Variants in KCNK2 observed in about 807,000 individuals in gnomAD.
The protein encoded by KCNK2 is potassium two pore domain channel subfamily K member 2.
In KCNK2, 21 loss-of-function variants were observed where a neutral mutation model predicts 40.5. The ratio of observed to expected loss-of-function variants is 0.52; its 90% confidence interval spans 0.37 to 0.75. KCNK2 has a LOEUF of 0.75. Ranked by LOEUF, KCNK2 falls within the 30% of genes least tolerant of loss-of-function variation. The probability of loss-of-function intolerance (pLI) is 0.00; values close to 1 mark genes in which losing one functional copy is unlikely to be tolerated. For synonymous variants in KCNK2, 191 were observed against 202.2 expected, an observed-to-expected ratio of 0.94 and a Z score of 0.47; for missense variants, 399 against 531.6, an observed-to-expected ratio of 0.75 and a Z score of 2.45.
intron 1 of KCNK2, among the ~76,000 whole-genome samples, chr1:215,024,952 T>C (rs1034630977): frequency 4.6e-5 from 3 of 65,860 alleles, no homozygotes; most frequent in African/African-American, 9.8e-5. Context: ...GGAGTTTTTT[T>C]TTTTTTTTTT....
intron 2 of KCNK2, among the ~76,000 whole-genome samples, chr1:215,102,899 A>G (rs1571910603): frequency 6.6e-6 from 1 of 152,030 alleles, no homozygotes; most frequent in African/African-American, 2.4e-5. Context: ...AAGTTCACAC[A>G]AGGATGAAAT....
intron 1 of KCNK2, among the ~76,000 whole-genome samples, chr1:215,025,771 T>G (rs938479419): frequency 1.3e-5 from 2 of 152,084 alleles, no homozygotes; most frequent in Non-Finnish European, 2.9e-5. Flanking sequence ...TTTATTCCTT[T>G]GTGTACATAT....
chr1:215,051,347 T>C (rs1326852563), intron 1 of KCNK2, among the ~76,000 whole-genome samples: 1 of 152,142 alleles, frequency 6.6e-6, no homozygotes, highest in Non-Finnish European at 1.5e-5. Flanking sequence ...AAGGAAAATA[T>C]TTGAGGGTTT....
At chr1:215,010,148 G>A (rs907405946) in intron 1 of KCNK2, among the ~76,000 whole-genome samples, 1 of 152,098 alleles carries the variant, frequency 6.6e-6, no homozygotes, top group African/African-American at 2.4e-5. Context: ...GTCTTCCTTG[G>A]TATGAATAAG....
At chr1:215,218,581 A>G (rs889822574) in intron 6 of KCNK2, among the ~76,000 whole-genome samples, 2 of 152,116 alleles carry the variant, frequency 1.3e-5, no homozygotes, top group African/African-American at 2.4e-5. Context: ...CAAAGCATGT[A>G]AATGCTCTCC....
At chr1:215,128,580 G>T (rs2102586164) in intron 3 of KCNK2, among the ~76,000 whole-genome samples, 1 of 151,378 alleles carries the variant, frequency 6.6e-6, no homozygotes, top group African/African-American at 2.5e-5. Flanking sequence ...TTGAGAAAAA[G>T]GGAAGAATAC....
chr1:215,172,028 T>TCATCTCAA lies in KCNK2; in HGVS notation c.671_678dup (p.Ile227SerfsTer25). ...AATGTTAGTCAGACCAAGATTCGCA[T>TCATCTCAA]CATCTCAACAATCATATTTATACTA... On this transcript the variant is annotated frameshift_variant, in exon 5 of 7. Coordinates refer to ENST00000444842, the MANE Select transcript of KCNK2 (RefSeq NM_001017425.3). LOFTEE classifies it high-confidence loss of function. 1 of 1,613,184 alleles carries TCATCTCAA rather than the reference T, an allele frequency of 6.2e-7. No individual in the cohort carries two copies. The highest frequency in any genetic ancestry group is 8.5e-7 in the Non-Finnish European group (1 of 1,179,558).
At chr1:215,091,894 C>G (rs1363120905) in intron 2 of KCNK2, among the ~76,000 whole-genome samples, 2 of 152,114 alleles carry the variant, frequency 1.3e-5, no homozygotes, top group South Asian at 4.2e-4. Flanking sequence ...AGAAGAACTA[C>G]AAGGATGCTG....
intron 1 of KCNK2, among the ~76,000 whole-genome samples, chr1:215,036,174 T>C (rs956484121): frequency 6.6e-6 from 1 of 151,848 alleles, no homozygotes; most frequent in Non-Finnish European, 1.5e-5. Flanking sequence ...TAGCTTTTAC[T>C]TTGAGGTCTG....
At chr1:215,208,937 C>T (rs1571730246) in intron 6 of KCNK2, among the ~76,000 whole-genome samples, 1 of 151,832 alleles carries the variant, frequency 6.6e-6, no homozygotes, top group Non-Finnish European at 1.5e-5. Flanking sequence ...AAGCAATTCT[C>T]CTGTCTCGGC....
chr1:215,163,779 G>A (rs139300068), intron 3 of KCNK2, among the ~76,000 whole-genome samples: 6 of 152,030 alleles, frequency 3.9e-5, no homozygotes, highest in African/African-American at 1.2e-4. Context: ...CGACTTGATC[G>A]TGGTGGATAA....
chr1:215,088,575 G>T (rs1325870836), intron 2 of KCNK2, among the ~76,000 whole-genome samples: 1 of 133,868 alleles, frequency 7.5e-6, no homozygotes, highest in Non-Finnish European at 1.6e-5. Flanking sequence ...GACAGGACAG[G>T]AAAAAAAAAA....
chr1:215,137,167 A>G (rs1661959355), intron 3 of KCNK2, among the ~76,000 whole-genome samples: 1 of 152,166 alleles, frequency 6.6e-6, no homozygotes, highest in Non-Finnish European at 1.5e-5. Context: ...ATTGGTGATG[A>G]TATTACTTAG....
At chr1:215,102,417 A>G (rs1660260631) in intron 2 of KCNK2, among the ~76,000 whole-genome samples, 1 of 152,096 alleles carries the variant, frequency 6.6e-6, no homozygotes, top group Non-Finnish European at 1.5e-5. Context: ...GTACAGCTGT[A>G]CAATGTGTTT....
chr1:215,212,454 T>A (rs970556018), intron 6 of KCNK2, among the ~76,000 whole-genome samples: 1 of 152,100 alleles, frequency 6.6e-6, no homozygotes, highest in African/African-American at 2.4e-5. Context: ...TATGGCTGAG[T>A]GAAGAAAAAT....
intron 3 of KCNK2, among the ~76,000 whole-genome samples, chr1:215,148,465 C>T (rs1662536138): frequency 1.3e-5 from 2 of 151,882 alleles, no homozygotes; most frequent in African/African-American, 4.8e-5. Flanking sequence ...AAAATGAGTA[C>T]AAGTAATTAG....
rs1466984464 is a variant in KCNK2 at position 215,083,100 on chromosome 1, G to C, written c.-286G>C. 2.1e-5 allele frequency: 10 copies of C among 480,654 alleles called. No individual in the cohort carries two copies. Among genetic ancestry groups the C allele is most frequent in the African/African-American group, 1.0e-4 (5 of 48,548 alleles). The allele number at this position is 480,654 out of a possible 1,614,324, so 29.8% of individuals were successfully genotyped here. ...GGGCCCGGCAGCAGGCGCGCGCGGGGGCGGCGGCGCCCAAGCCCAACTTGG... is the reference window on the plus strand; with the variant it reads ...GGGCCCGGCAGCAGGCGCGCGCGGGCGCGGCGGCGCCCAAGCCCAACTTGG... On this transcript the variant is annotated 5_prime_UTR_variant, in exon 1 of 7. Transcript: ENST00000444842.
intron 6 of KCNK2, among the ~76,000 whole-genome samples, chr1:215,221,228 G>C (rs1419380634): frequency 6.6e-6 from 1 of 152,150 alleles, no homozygotes; most frequent in African/African-American, 2.4e-5. Flanking sequence ...ACAAAAAGTA[G>C]TCAGGCGTGG....
chr1:215,217,284 C>A (rs1407804342), intron 6 of KCNK2, among the ~76,000 whole-genome samples: 1 of 152,126 alleles, frequency 6.6e-6, no homozygotes, highest in Non-Finnish European at 1.5e-5. Context: ...TTTCTGGAAG[C>A]AATTTCACCT....
Sources: allele counts gnomAD v4.1 joint callset (sites outside exome capture counted in the v4.1 genomes callset), GRCh38; gene constraint gnomAD v4.1.1; transcripts MANE v1.5; gene names NCBI Gene and HGNC (gene_info 2026-07-23, HGNC 2026-07-21).